EXOC4: variants seen among roughly 807,000 people sequenced by gnomAD.
EXOC4 encodes SEC8-like 1.
In EXOC4, 71 loss-of-function variants were observed where a neutral mutation model predicts 107.2. The ratio of observed to expected loss-of-function variants is 0.66; its 90% CI spans 0.55 to 0.81. The LOEUF (loss-of-function observed/expected upper bound fraction) is 0.81, where lower values mean the gene tolerates loss of function less well. EXOC4 is among the 30% of genes least tolerant of loss of function. The probability of loss-of-function intolerance (pLI) is 0.00; values close to 1 mark genes in which losing one functional copy is unlikely to be tolerated. For synonymous variants in EXOC4, 456 were observed against 441.2 expected (o/e 1.03, Z -0.42); for missense variants, 1,108 against 1,189.6 (o/e 0.93, Z 1.01).
chr7:133,925,439 A>T (rs2116672055), intron 13 of EXOC4, among the ~76,000 whole-genome samples: 1 of 152,292 alleles, frequency 6.6e-6, no homozygotes, highest in Admixed American at 6.5e-5. Flanking sequence ...TATCCTTTTG[A>T]GATCAATGAT....
At position 133,844,767 on chromosome 7, in the gene EXOC4, A is replaced by G. The variant is rs115315458; in HGVS notation, c.1734+27223A>G. On this transcript the variant is annotated intron_variant, in intron 11 of 17. Transcript: ENST00000253861. The stretch of plus-strand genomic sequence containing the variant: ...CTACCATGCTTCTATAGGTAGAACA[A>G]CATCAAAGTATCATATGCCTCAAAC... Among the ~76,000 whole-genome samples, 364 of 152,110 alleles carry G rather than the reference A, an allele frequency of 2.4e-3. 5 individuals carry two copies. Among genetic ancestry groups the G allele is most frequent in the African/African-American group, 8.2e-3 (340 of 41,490 alleles).
At chr7:133,456,576 A>G (rs1014769930) in intron 7 of EXOC4, among the ~76,000 whole-genome samples, 1 of 152,204 alleles carries the variant, frequency 6.6e-6, no homozygotes, top group Admixed American at 6.5e-5. Flanking sequence ...CTTAGGAAAC[A>G]TCATGAATTG....
intron 7 of EXOC4, among the ~76,000 whole-genome samples, chr7:133,385,935 G>A (rs907217137): frequency 3.9e-5 from 6 of 151,988 alleles, no homozygotes; most frequent in African/African-American, 1.5e-4. Context: ...GGCCAACCAG[G>A]GATTTGTTTG....
intron 10 of EXOC4, among the ~76,000 whole-genome samples, chr7:133,746,508 C>G (rs572236952): frequency 2.0e-5 from 3 of 152,252 alleles, no homozygotes; most frequent in South Asian, 4.1e-4. Flanking sequence ...GGCCACAGTG[C>G]ATTTCTGCCT....
At chr7:133,944,538 G>A (rs1242183335) in intron 14 of EXOC4, among the ~76,000 whole-genome samples, 1 of 152,114 alleles carries the variant, frequency 6.6e-6, no homozygotes, top group African/African-American at 2.4e-5. Context: ...GATTGACTTT[G>A]TGCCTCCAAT....
chr7:133,431,488 A>G (rs1797855943), intron 7 of EXOC4, among the ~76,000 whole-genome samples: 1 of 152,216 alleles, frequency 6.6e-6, no homozygotes, highest in Non-Finnish European at 1.5e-5. Flanking sequence ...TAAAAAATTC[A>G]CAACTAATTA....
At chr7:133,271,242 A>G (rs1333306764) in intron 1 of EXOC4, among the ~76,000 whole-genome samples, 3 of 152,040 alleles carry the variant, frequency 2.0e-5, no homozygotes, top group Non-Finnish European at 4.4e-5. Context: ...ATGGTCTATC[A>G]TTTATTAATT....
chr7:133,624,683 C>T (rs530010439), intron 9 of EXOC4, among the ~76,000 whole-genome samples: 48 of 152,134 alleles, frequency 3.2e-4, no homozygotes, highest in African/African-American at 1.1e-3. Flanking sequence ...ACCTCTGCCT[C>T]CCGGGCTCAA....
At chr7:133,294,029 T>C (rs928616755) in intron 3 of EXOC4, among the ~76,000 whole-genome samples, 2 of 152,192 alleles carry the variant, frequency 1.3e-5, no homozygotes, top group African/African-American at 4.8e-5. Flanking sequence ...ATTTTGCCAG[T>C]GAAGCGTGTT....
At chr7:133,845,332 AGTAGT>A (rs1465807493) in intron 11 of EXOC4, among the ~76,000 whole-genome samples, 3 of 139,828 alleles carry the variant, frequency 2.1e-5, no homozygotes, top group African/African-American at 9.1e-5. Context: ...TAGGCAGGTT[AGTAGT>A]GTGTGTGTGT....
At chr7:133,794,473 T>C (rs567988446) in intron 10 of EXOC4, among the ~76,000 whole-genome samples, 1 of 152,318 alleles carries the variant, frequency 6.6e-6, no homozygotes, top group South Asian at 2.1e-4. Flanking sequence ...TTTGGAGTTC[T>C]TACTTTATTT....
intron 11 of EXOC4, among the ~76,000 whole-genome samples, chr7:133,872,078 A>T (rs567077514): frequency 6.6e-6 from 1 of 152,176 alleles, no homozygotes; most frequent in African/African-American, 2.4e-5. Flanking sequence ...ATGGTGTGAC[A>T]GTTCTCGGGA....
At chr7:133,680,382 A>G (rs1007075564) in intron 10 of EXOC4, among the ~76,000 whole-genome samples, 1 of 152,238 alleles carries the variant, frequency 6.6e-6, no homozygotes, top group Non-Finnish European at 1.5e-5. Flanking sequence ...AACACATTCT[A>G]CTGAAATAGG....
At chr7:133,583,984 G>A (rs575208688) in intron 9 of EXOC4, among the ~76,000 whole-genome samples, 7 of 152,206 alleles carry the variant, frequency 4.6e-5, no homozygotes, top group East Asian at 1.9e-4. Flanking sequence ...TGTGTGGGTC[G>A]GGGAAGAAGA....
chr7:133,988,287 A>G (rs2116217605), intron 14 of EXOC4, among the ~76,000 whole-genome samples: 1 of 152,302 alleles, frequency 6.6e-6, no homozygotes, highest in South Asian at 2.1e-4. Context: ...ATAATGAACT[A>G]CTTCCCCATC....
chr7:133,401,045 T>C (rs1797077711), intron 7 of EXOC4, among the ~76,000 whole-genome samples: 1 of 152,190 alleles, frequency 6.6e-6, no homozygotes, highest in African/African-American at 2.4e-5. Flanking sequence ...AATGTCCTTC[T>C]AGTTCTCTTT....
chr7:133,540,504 A>G (rs1012808228), intron 9 of EXOC4, among the ~76,000 whole-genome samples: 25 of 152,224 alleles, frequency 1.6e-4, no homozygotes, highest in Admixed American at 1.5e-3. Context: ...GCATGGGTTC[A>G]TTTTTATAAC....
intron 10 of EXOC4, among the ~76,000 whole-genome samples, chr7:133,809,345 A>G (rs1024586489): frequency 2.6e-5 from 4 of 152,232 alleles, no homozygotes; most frequent in African/African-American, 7.2e-5. Context: ...TGGCACAATG[A>G]GGATGGGACC....
At chr7:133,641,013 C>T (rs1363705500) in intron 10 of EXOC4, among the ~76,000 whole-genome samples, 1 of 151,974 alleles carries the variant, frequency 6.6e-6, no homozygotes, top group East Asian at 1.9e-4. Flanking sequence ...TGGCGTAAGT[C>T]AATGTTCTTA....
Sources: allele counts gnomAD v4.1 joint callset (sites outside exome capture counted in the v4.1 genomes callset), GRCh38; gene constraint gnomAD v4.1.1; transcripts MANE v1.5; gene names NCBI Gene and HGNC (gene_info 2026-07-23, HGNC 2026-07-21).